The following PPP2R3B variants were observed in gnomAD, a reference collection of about 807,000 sequenced individuals.
The protein encoded by PPP2R3B is serine/threonine-protein phosphatase 2A regulatory subunit B'' subunit beta.
In PPP2R3B, 68 loss-of-function variants were observed where a neutral mutation model predicts 72.9. The observed-to-expected ratio is 0.93, with a 90% CI of 0.77 to 1.14. The LOEUF (loss-of-function observed/expected upper bound fraction) is 1.14. Ranked by LOEUF, PPP2R3B falls within the 50% of genes most tolerant of loss-of-function variation. The pLI, the probability that PPP2R3B is intolerant of heterozygous loss-of-function variation, is 0.00. For missense variants in PPP2R3B, 1,018 were observed against 842.0 expected, an observed-to-expected ratio of 1.21 and a Z score of -2.59; for synonymous variants, 466 against 375.8, an observed-to-expected ratio of 1.24 and a Z score of -2.78.
chrX:345,475 C>A, intron 7 of PPP2R3B, 41 bp downstream of exon 7: 3 of 1,609,720 alleles, frequency 1.9e-6, no homozygotes, highest in Middle Eastern at 1.7e-4. Context: ...AGGGTGTGCT[C>A]GGTGTCCGCG....
intron 1 of PPP2R3B, among the ~76,000 whole-genome samples, chrX:364,037 G>C (rs1400994425): frequency 6.6e-6 from 1 of 152,248 alleles, no homozygotes; most frequent in Non-Finnish European, 1.5e-5. Context: ...CTGGAAGGAA[G>C]AACCCGGGGA....
intron 1 of PPP2R3B, among the ~76,000 whole-genome samples, chrX:381,216 C>T (rs1259722444): frequency 1.3e-5 from 2 of 152,014 alleles, no homozygotes; most frequent in African/African-American, 2.4e-5. Flanking sequence ...CCACTGCACC[C>T]GGCCAATGCT....
At chrX:341,842 C>T in intron 8 of PPP2R3B, 41 bp downstream of exon 8, 1 of 1,608,924 alleles carries the variant, frequency 6.2e-7, no homozygotes, top group Non-Finnish European at 8.5e-7. Context: ...GGGGTCCTCG[C>T]AGGGGCAATG....
chrX:363,481 G>A (rs868581966), intron 1 of PPP2R3B, among the ~76,000 whole-genome samples: 11 of 136,220 alleles, frequency 8.1e-5, no homozygotes, highest in South Asian at 2.3e-4. Flanking sequence ...GCATCTCCCC[G>A]AGCCCAGCAT....
At position 334,286 on chromosome X, in the gene PPP2R3B, A is replaced by G; in HGVS notation, c.*81T>C. 6 of 1,371,954 alleles carry G rather than the reference A, an allele frequency of 4.4e-6. No individual in the cohort carries two copies. The highest frequency in any genetic ancestry group is 5.7e-6 in the Non-Finnish European group (6 of 1,050,008). The allele number at this position is 1,371,954 out of a possible 1,614,324, so 85.0% of individuals were successfully genotyped here. On this transcript the variant is annotated 3_prime_UTR_variant, in exon 13 of 13. Coordinates refer to ENST00000390665, the MANE Select transcript of PPP2R3B (RefSeq NM_013239.5). ...TTCCGTACAAACGCACTCATTTTCC[A>G]CAACAGTTTTTACACGAGCCGCGGT...
At chrX:356,208 T>A (rs918342111) in intron 2 of PPP2R3B, among the ~76,000 whole-genome samples, 1 of 151,910 alleles carries the variant, frequency 6.6e-6, no homozygotes, top group South Asian at 2.1e-4. Context: ...GGAAGCAGGG[T>A]TTTTTGTTTT....
Position 344,588 on chromosome X carries a change from G to A in PPP2R3B, c.1036+928C>T, listed in dbSNP as rs191421394. Among the ~76,000 whole-genome samples, 890 of 152,382 alleles carry A rather than the reference G, an allele frequency of 5.8e-3. 4 individuals carry two copies. The highest frequency in any genetic ancestry group is 0.024 in the Middle Eastern group (7 of 294). On this transcript the variant is annotated intron_variant, in intron 7 of 12. Transcript: ENST00000390665. ...CCGCGCCGGGCCGGGGGTTCACAGG[G>A]ACAGTGAGCGCCTGGTTCTGGGCCG...
At chrX:355,690 C>T (rs1026763338) in intron 2 of PPP2R3B, among the ~76,000 whole-genome samples, 3 of 148,654 alleles carry the variant, frequency 2.0e-5, no homozygotes, top group Admixed American at 1.4e-4. Flanking sequence ...GTGGTGAATT[C>T]TGTTGTGTGA....
rs1569379314 is a variant in PPP2R3B, at chrX:340,995, C to A, written c.1176-55G>T. Reference sequence around the variant, plus strand: ...GCCCTGGGCCCTCCCAGCCCGTGACCTGCAGCCCCTGAGGCAGCCCCCACC... The same window carrying A: ...GCCCTGGGCCCTCCCAGCCCGTGACATGCAGCCCCTGAGGCAGCCCCCACC... On this transcript the variant is annotated intron_variant, in intron 9 of 12. Coordinates refer to ENST00000390665, the MANE Select transcript of PPP2R3B (RefSeq NM_013239.5). 3.2e-6 allele frequency: 5 copies of A among 1,572,570 alleles called. No individual in the cohort carries two copies. The East Asian group carries it at 9.2e-5, about 29-fold the overall frequency.
At chrX:354,244 C>CCCAGGG (rs2071396705) in intron 2 of PPP2R3B, among the ~76,000 whole-genome samples, 1 of 63,748 alleles carries the variant, frequency 1.6e-5, no homozygotes, top group Non-Finnish European at 3.2e-5. Context: ...CTCACCCAAA[C>CCCAGGG]ACTGGGGGCT....
intron 1 of PPP2R3B, among the ~76,000 whole-genome samples, chrX:370,482 C>G (rs1310436194): frequency 1.3e-5 from 2 of 152,182 alleles, no homozygotes; most frequent in African/African-American, 4.8e-5. Context: ...ATTCTGTCCA[C>G]CAGCCAAGGG....
At chrX:338,539 C>T (rs1490616459) in intron 12 of PPP2R3B, 65 bp downstream of exon 12, 36 of 1,259,846 alleles carry the variant, frequency 2.9e-5, no homozygotes, top group South Asian at 1.1e-4. Flanking sequence ...CCCACTCACC[C>T]GTCCTCCCCA....
intron 2 of PPP2R3B, among the ~76,000 whole-genome samples, chrX:354,067 G>GCCCAAAGACCGGGGCTCA (rs1340807916): frequency 9.0e-6 from 1 of 111,298 alleles, no homozygotes; most frequent in Non-Finnish European, 1.7e-5. Context: ...ACCGGGGCTC[G>GCCCAAAGACCGGGGCTCA]CCCAAAGACC....
At chrX:350,937 C>G (rs763881036) in intron 2 of PPP2R3B, among the ~76,000 whole-genome samples, 2 of 152,076 alleles carry the variant, frequency 1.3e-5, no homozygotes, top group Non-Finnish European at 2.9e-5. Context: ...CGAGAGGAGC[C>G]GGACGCCAGA....
chrX:344,018 A>AGAGGCGGGAGGGAGACGTCGCCAAGGG (rs2071136345), intron 7 of PPP2R3B, among the ~76,000 whole-genome samples: 2 of 4,676 alleles, frequency 4.3e-4, no homozygotes, highest in Non-Finnish European at 8.2e-4. Flanking sequence ...GTCGCCAAGG[A>AGAGGCGGGAGGGAGACGTCGCCAAGGG]GAGGCGGGAG....
At chrX:342,145 C>G (rs1007174016) in intron 7 of PPP2R3B, 3 of 635,778 alleles carry the variant, frequency 4.7e-6, no homozygotes, top group African/African-American at 3.7e-5. Flanking sequence ...ATGAAATCCA[C>G]AGAGCGCAAA....
At chrX:382,746 C>T (rs1461601538) in intron 1 of PPP2R3B, among the ~76,000 whole-genome samples, 1 of 152,152 alleles carries the variant, frequency 6.6e-6, no homozygotes, top group African/African-American at 2.4e-5. Flanking sequence ...TCAATATTCC[C>T]AGCCCTAGGA....
At chrX:353,853 ACCGGGGG>A (rs2071380039) in intron 2 of PPP2R3B, among the ~76,000 whole-genome samples, 1 of 128,388 alleles carries the variant, frequency 7.8e-6, no homozygotes, top group East Asian at 2.5e-4. Context: ...TCGCCCAGGG[ACCGGGGG>A]CTCACCCAAA....
At chrX:336,253 T>G (rs1159092860) in intron 12 of PPP2R3B, 1 of 152,130 alleles carries the variant, frequency 6.6e-6, no homozygotes. Context: ...GCAAGATCTA[T>G]CCTGGGAACA....
Sources: allele counts gnomAD v4.1 joint callset (sites outside exome capture counted in the v4.1 genomes callset), GRCh38; gene constraint gnomAD v4.1.1; transcripts MANE v1.5; gene names NCBI Gene and HGNC (gene_info 2026-07-23, HGNC 2026-07-21).